Variants in PAN3 observed in about 807,000 individuals in gnomAD.
The protein encoded by PAN3 is poly(A) specific ribonuclease subunit PAN3.
In PAN3, 19 loss-of-function variants were observed where a neutral mutation model predicts 96.2. The ratio of observed to expected loss-of-function variants is 0.20; its 90% CI spans 0.14 to 0.29. The LOEUF (loss-of-function observed/expected upper bound fraction) is 0.29, where lower values mean the gene tolerates loss of function less well. Among genes scored for constraint, PAN3 ranks in the 10% least tolerant of loss-of-function variants. The pLI is 1.00. For missense variants in PAN3, 882 were observed against 1,108.1 expected (o/e 0.80, Z 2.90); for synonymous variants, 433 against 406.6 (o/e 1.06, Z -0.78).
intron 6 of PAN3, among the ~76,000 whole-genome samples, chr13:28,237,385 G>A (rs533835387): frequency 2.6e-5 from 4 of 152,260 alleles, no homozygotes; most frequent in Non-Finnish European, 5.9e-5. Context: ...CTGGAACTCA[G>A]AAATGAACAG....
chr13:28,169,926 A>G (rs1015306655), intron 1 of PAN3, among the ~76,000 whole-genome samples: 1 of 151,998 alleles, frequency 6.6e-6, no homozygotes, highest in Non-Finnish European at 1.5e-5. Context: ...GGGCAGCTGT[A>G]ATCCCAGCTA....
intron 6 of PAN3, chr13:28,239,588 T>G (rs1566216971): frequency 7.8e-7 from 1 of 1,288,286 alleles, no homozygotes; most frequent in Non-Finnish European, 1.0e-6. Context: ...GGGAACAAGC[T>G]ACCCTCTGAG....
chr13:28,279,075 G>A (rs1272219533), intron 15 of PAN3, among the ~76,000 whole-genome samples: 1 of 151,838 alleles, frequency 6.6e-6, no homozygotes, highest in Non-Finnish European at 1.5e-5. Flanking sequence ...ACAAGCAGAA[G>A]AGTGAAGGAG....
chr13:28,141,545 G>T (rs1426972384), intron 1 of PAN3, among the ~76,000 whole-genome samples: 1 of 127,610 alleles, frequency 7.8e-6, no homozygotes, highest in Non-Finnish European at 1.6e-5. Flanking sequence ...TCGGCTCACC[G>T]CAACCTCTGC....
At chr13:28,240,963 T>C (rs984142075) in intron 6 of PAN3, among the ~76,000 whole-genome samples, 5 of 152,206 alleles carry the variant, frequency 3.3e-5, no homozygotes, top group African/African-American at 1.2e-4. Context: ...TGTCCACTTT[T>C]AAATTTTCCT....
intron 1 of PAN3, among the ~76,000 whole-genome samples, chr13:28,167,082 A>T (rs13378939): frequency 0.11 from 12,983 of 118,394 alleles, 717 homozygotes; most frequent in South Asian, 0.19. Context: ...TTTTATCTTA[A>T]TTTTTTTTTT....
At chr13:28,249,384 A>G (rs1234068857) in intron 6 of PAN3, among the ~76,000 whole-genome samples, 1 of 152,176 alleles carries the variant, frequency 6.6e-6, no homozygotes, top group Non-Finnish European at 1.5e-5. Flanking sequence ...GATTTTTACC[A>G]TTCATGCTTT....
chr13:28,218,651 C>T (rs1881066656), intron 5 of PAN3, among the ~76,000 whole-genome samples: 1 of 151,958 alleles, frequency 6.6e-6, no homozygotes, highest in African/African-American at 2.4e-5. Flanking sequence ...CTTTTTTCCC[C>T]TTTACAGGGT....
At chr13:28,141,692 C>T (rs1869865425) in intron 1 of PAN3, among the ~76,000 whole-genome samples, 1 of 152,054 alleles carries the variant, frequency 6.6e-6, no homozygotes, top group South Asian at 2.1e-4. Flanking sequence ...GTCTCAAACT[C>T]CTGATCTCAG....
At chr13:28,217,145 A>G (rs556552611) in intron 5 of PAN3, among the ~76,000 whole-genome samples, 31 of 151,822 alleles carry the variant, frequency 2.0e-4, no homozygotes, top group African/African-American at 7.3e-4. Flanking sequence ...AATTACAACA[A>G]CATTTAAGCT....
At chr13:28,289,600 G>A (rs1029326832) in intron 18 of PAN3, among the ~76,000 whole-genome samples, 9 of 152,374 alleles carry the variant, frequency 5.9e-5, no homozygotes, top group African/African-American at 2.2e-4. Context: ...GTTGGGAAAA[G>A]GCTAGGCGCA....
At chr13:28,225,315 C>T (rs892634385) in intron 6 of PAN3, among the ~76,000 whole-genome samples, 1 of 152,060 alleles carries the variant, frequency 6.6e-6, no homozygotes, top group African/African-American at 2.4e-5. Context: ...TAGTTATTTA[C>T]TCTTATAATG....
At chr13:28,221,952 ACTTTATATGTCT>A (rs1881458820) in intron 6 of PAN3, among the ~76,000 whole-genome samples, 1 of 152,198 alleles carries the variant, frequency 6.6e-6, no homozygotes, top group Non-Finnish European at 1.5e-5. Context: ...TTGTAATTCA[ACTTTATATGTCT>A]CTTTCCAAAG....
intron 4 of PAN3, among the ~76,000 whole-genome samples, chr13:28,183,646 C>A (rs1200993338): frequency 6.6e-6 from 1 of 152,152 alleles, no homozygotes; most frequent in African/African-American, 2.4e-5. Flanking sequence ...TTTCAAAGAA[C>A]AAACAGCAGG....
intron 6 of PAN3, among the ~76,000 whole-genome samples, chr13:28,246,719 C>A (rs1884229428): frequency 6.6e-6 from 1 of 152,080 alleles, no homozygotes; most frequent in Non-Finnish European, 1.5e-5. Context: ...AACATAATGA[C>A]CTTCAGTACC....
chr13:28,196,032 T>G (rs1038054510), intron 4 of PAN3, among the ~76,000 whole-genome samples: 1 of 151,058 alleles, frequency 6.6e-6, no homozygotes, highest in East Asian at 1.9e-4. Flanking sequence ...TTTTGTTTTT[T>G]TTTTTTTAAT....
chr13:28,174,787 C>G (rs934359758), intron 2 of PAN3, among the ~76,000 whole-genome samples: 3 of 152,180 alleles, frequency 2.0e-5, no homozygotes, highest in Non-Finnish European at 4.4e-5. Flanking sequence ...TTCCAGTTAA[C>G]CTTCCTAGAG....
chr13:28,192,309 C>T (rs1877392703), intron 4 of PAN3, among the ~76,000 whole-genome samples: 1 of 150,410 alleles, frequency 6.6e-6, no homozygotes, highest in South Asian at 2.1e-4. Flanking sequence ...ACCTCATGAT[C>T]CGTTCGCCTC....
At chr13:28,164,932 C>G (rs1440030783) in intron 1 of PAN3, among the ~76,000 whole-genome samples, 1 of 151,914 alleles carries the variant, frequency 6.6e-6, no homozygotes, top group South Asian at 2.1e-4. Flanking sequence ...TTTTTTAGAC[C>G]GAATCTCACT....
Sources: allele counts gnomAD v4.1 joint callset (sites outside exome capture counted in the v4.1 genomes callset), GRCh38; gene constraint gnomAD v4.1.1; transcripts MANE v1.5; gene names NCBI Gene and HGNC (gene_info 2026-07-23, HGNC 2026-07-21).